The following CACNA2D1 variants were observed in gnomAD, a reference collection of about 807,000 sequenced individuals.
CACNA2D1 encodes voltage-dependent calcium channel subunit alpha-2/delta-1.
Under a neutral mutation model 171.5 loss-of-function variants are expected in CACNA2D1, and 53 were observed. The ratio of observed to expected loss-of-function variants is 0.31; its 90% CI spans 0.25 to 0.39. The LOEUF is 0.39. CACNA2D1 is among the 10% of genes least tolerant of loss of function. The pLI is 1.00. For synonymous variants in CACNA2D1, 442 were observed against 443.1 expected (o/e 1.00, Z 0.03); for missense variants, 903 against 1,299.8 (o/e 0.69, Z 4.69).
At chr7:82,137,066 A>G (rs1353318205) in intron 4 of CACNA2D1, among the ~76,000 whole-genome samples, 1 of 152,236 alleles carries the variant, frequency 6.6e-6, no homozygotes, top group Non-Finnish European at 1.5e-5. Context: ...ATTTTTATAT[A>G]CATACACAGA....
chr7:82,077,237 TCTTA>T (rs1476209920), intron 7 of CACNA2D1, among the ~76,000 whole-genome samples: 4 of 152,330 alleles, frequency 2.6e-5, no homozygotes, highest in African/African-American at 9.6e-5. Flanking sequence ...GTTTTCCTTT[TCTTA>T]CTTAGTACAG....
intron 3 of CACNA2D1, among the ~76,000 whole-genome samples, chr7:82,189,916 A>G (rs949481292): frequency 4.6e-5 from 7 of 151,988 alleles, no homozygotes; most frequent in Non-Finnish European, 7.4e-5. Flanking sequence ...TATTAATAAA[A>G]GGTTTACATT....
intron 6 of CACNA2D1, among the ~76,000 whole-genome samples, chr7:82,088,248 T>C (rs1810719785): frequency 6.6e-6 from 1 of 152,176 alleles, no homozygotes; most frequent in African/African-American, 2.4e-5. Context: ...ACAGTATTTT[T>C]AGTCTCTCCT....
At chr7:82,098,218 AC>A (rs1463120384) in intron 6 of CACNA2D1, among the ~76,000 whole-genome samples, 2 of 152,220 alleles carry the variant, frequency 1.3e-5, no homozygotes, top group African/African-American at 4.8e-5. Context: ...ACTCTCACAA[AC>A]AAAAACATAA....
intron 1 of CACNA2D1, among the ~76,000 whole-genome samples, chr7:82,413,618 T>C (rs915782334): frequency 6.6e-6 from 1 of 152,256 alleles, no homozygotes; most frequent in African/African-American, 2.4e-5. Context: ...TGAGTCTTAA[T>C]TGCAGTCAAA....
intron 3 of CACNA2D1, among the ~76,000 whole-genome samples, chr7:82,179,259 A>T (rs1312536931): frequency 6.6e-6 from 1 of 152,160 alleles, no homozygotes. Context: ...TATTCTCTAC[A>T]TGTTGACTGC....
intron 10 of CACNA2D1, among the ~76,000 whole-genome samples, chr7:82,046,977 C>A (rs1471122187): frequency 6.6e-6 from 1 of 152,032 alleles, no homozygotes; most frequent in Non-Finnish European, 1.5e-5. Flanking sequence ...TTATAATTCT[C>A]TAATCATATT....
intron 7 of CACNA2D1, among the ~76,000 whole-genome samples, chr7:82,069,627 G>A (rs1212741784): frequency 5.3e-5 from 8 of 152,188 alleles, no homozygotes; most frequent in African/African-American, 1.7e-4. Context: ...ACTGATATAC[G>A]TAATAGGAAA....
intron 3 of CACNA2D1, among the ~76,000 whole-genome samples, chr7:82,278,733 T>G (rs1185325289): frequency 6.6e-6 from 1 of 152,178 alleles, no homozygotes; most frequent in Non-Finnish European, 1.5e-5. Context: ...AATAATAACC[T>G]ACAAGATTGT....
intron 8 of CACNA2D1, among the ~76,000 whole-genome samples, chr7:82,064,758 T>C (rs1217640486): frequency 6.6e-6 from 1 of 152,084 alleles, no homozygotes; most frequent in Non-Finnish European, 1.5e-5. Context: ...GATAAGTTGC[T>C]TAGGAACATC....
chr7:82,158,672 A>T (rs1275024058), intron 4 of CACNA2D1, among the ~76,000 whole-genome samples: 1 of 151,854 alleles, frequency 6.6e-6, no homozygotes, highest in Admixed American at 6.6e-5. Flanking sequence ...GCTACTGGAA[A>T]CAATATTAGT....
At chr7:82,202,629 C>T (rs1454981788) in intron 3 of CACNA2D1, among the ~76,000 whole-genome samples, 2 of 151,194 alleles carry the variant, frequency 1.3e-5, no homozygotes, top group Admixed American at 1.3e-4. Flanking sequence ...CACACTCAGC[C>T]CCTGAGGGAT....
At chr7:82,060,167 T>TATATATATATAATATATATATA (rs1562981013) in intron 10 of CACNA2D1, among the ~76,000 whole-genome samples, 3 of 12,634 alleles carry the variant, frequency 2.4e-4, no homozygotes, top group East Asian at 5.1e-3. Flanking sequence ...ATATATATAA[T>TATATATATATAATATATATATA]ATATATATAT....
rs532090523 is a variant in CACNA2D1, at chr7:81,992,416, G to A, written c.1735-1170C>T. Among the ~76,000 whole-genome samples, 69 of 152,186 alleles carry A rather than the reference G, an allele frequency of 4.5e-4. No homozygotes were observed. The East Asian group carries it at 4.8e-3, about 11-fold the overall frequency. ...TGACAACTACACAATGAATGTGTGC[G>A]TGTTTGTGTGTGAGCATGTGTGGGG... On this transcript the variant is annotated intron_variant, in intron 20 of 38. Coordinates refer to ENST00000356860, the MANE Select transcript of CACNA2D1 (RefSeq NM_000722.4).
intron 7 of CACNA2D1, among the ~76,000 whole-genome samples, chr7:82,070,636 C>A (rs1808213286): frequency 6.6e-6 from 1 of 152,062 alleles, no homozygotes; most frequent in South Asian, 2.1e-4. Context: ...AAGTCTCAGG[C>A]TGGAAGTGAC....
chr7:82,255,320 T>A (rs1806166792), intron 3 of CACNA2D1, among the ~76,000 whole-genome samples: 1 of 152,174 alleles, frequency 6.6e-6, no homozygotes, highest in South Asian at 2.1e-4. Flanking sequence ...ATCTTGTCTG[T>A]CTCACTACTC....
chr7:82,304,549 G>C (rs1813469709), intron 3 of CACNA2D1, among the ~76,000 whole-genome samples: 1 of 152,118 alleles, frequency 6.6e-6, no homozygotes, highest in South Asian at 2.1e-4. Flanking sequence ...TTTGTCATTA[G>C]CAGCAATATG....
chr7:82,005,197 T>A (rs1016640433), intron 18 of CACNA2D1: 12 of 500,896 alleles, frequency 2.4e-5, no homozygotes, highest in African/African-American at 2.3e-4. Flanking sequence ...ATGGCTGTCT[T>A]TGAGATAAAA....
chr7:82,073,803 G>A (rs537553988), intron 7 of CACNA2D1, among the ~76,000 whole-genome samples: 1 of 152,158 alleles, frequency 6.6e-6, no homozygotes, highest in African/African-American at 2.4e-5. Flanking sequence ...GTTTCATCAT[G>A]TTGACCAGGC....
Sources: gnomAD v4.1 joint callset for allele counts (sites outside exome capture counted in the v4.1 genomes callset) on GRCh38, gnomAD v4.1.1 for gene constraint, MANE v1.5 for transcripts, NCBI Gene and HGNC (gene_info 2026-07-23, HGNC 2026-07-21) for gene names.